The following SCFD2 variants were observed in gnomAD, a reference collection of about 807,000 sequenced individuals.
SCFD2 encodes sec1 family domain-containing protein 2.
Under a neutral mutation model 58.9 loss-of-function variants are expected in SCFD2, and 54 were observed. The ratio of observed to expected loss-of-function variants is 0.92; its 90% CI spans 0.74 to 1.15. The LOEUF (loss-of-function observed/expected upper bound fraction) is 1.15. Among genes scored for constraint, SCFD2 ranks in the 50% most tolerant of loss-of-function variants. SCFD2 has a pLI of 0.00. For synonymous variants in SCFD2, 321 were observed against 335.9 expected, an observed-to-expected ratio of 0.96 and a Z score of 0.49; for missense variants, 805 against 836.6, an observed-to-expected ratio of 0.96 and a Z score of 0.47.
At chr4:53,216,144 G>A (rs1728823307) in intron 4 of SCFD2, among the ~76,000 whole-genome samples, 1 of 152,192 alleles carries the variant, frequency 6.6e-6, no homozygotes, top group Non-Finnish European at 1.5e-5. Flanking sequence ...TTGGTGTCAG[G>A]ATGATGCTGG....
At chr4:53,308,960 C>T (rs1396105891) in intron 3 of SCFD2, among the ~76,000 whole-genome samples, 2 of 151,896 alleles carry the variant, frequency 1.3e-5, no homozygotes, top group African/African-American at 4.8e-5. Flanking sequence ...GAAACCCTGT[C>T]TCTACTAGAT....
At chr4:52,983,887 C>T (rs1290008310) in intron 5 of SCFD2, among the ~76,000 whole-genome samples, 1 of 152,154 alleles carries the variant, frequency 6.6e-6, no homozygotes, top group Non-Finnish European at 1.5e-5. Context: ...TTGCCTACAC[C>T]CTTCTTAAGA....
intron 5 of SCFD2, among the ~76,000 whole-genome samples, chr4:53,093,253 T>C (rs1313496192): frequency 6.6e-6 from 1 of 152,094 alleles, no homozygotes; most frequent in East Asian, 1.9e-4. Flanking sequence ...ATGATAGGTG[T>C]TCAGCAAATA....
chr4:53,082,601 A>G (rs943884786), intron 5 of SCFD2, among the ~76,000 whole-genome samples: 3 of 152,122 alleles, frequency 2.0e-5, no homozygotes, highest in Non-Finnish European at 2.9e-5. Flanking sequence ...TGTTTGCAGA[A>G]AAGATTCACA....
intron 4 of SCFD2, among the ~76,000 whole-genome samples, chr4:53,179,976 T>C (rs1355720271): frequency 6.6e-6 from 1 of 152,126 alleles, no homozygotes; most frequent in Non-Finnish European, 1.5e-5. Flanking sequence ...ATGCACCCAA[T>C]ACAGGAGCAT....
chr4:53,343,190 C>G (rs918013880), intron 2 of SCFD2, among the ~76,000 whole-genome samples: 2 of 151,986 alleles, frequency 1.3e-5, no homozygotes, highest in African/African-American at 4.8e-5. Flanking sequence ...CTGAAAAGAT[C>G]AACAAAATTG....
chr4:53,205,819 G>C (rs1410178195), intron 4 of SCFD2, among the ~76,000 whole-genome samples: 3 of 150,920 alleles, frequency 2.0e-5, no homozygotes, highest in Non-Finnish European at 4.4e-5. Context: ...CCGAGACTGA[G>C]CCACTGTACT....
intron 5 of SCFD2, among the ~76,000 whole-genome samples, chr4:52,955,680 C>T (rs986150559): frequency 2.0e-5 from 3 of 152,178 alleles, no homozygotes; most frequent in Non-Finnish European, 2.9e-5. Context: ...TTTGTGTTAA[C>T]ACAACCTGAT....
intron 5 of SCFD2, among the ~76,000 whole-genome samples, chr4:53,103,419 C>T (rs1488970904): frequency 6.6e-6 from 1 of 151,984 alleles, no homozygotes; most frequent in Non-Finnish European, 1.5e-5. Flanking sequence ...TCTATTCACA[C>T]AGAATGCTCC....
chr4:53,129,258 C>T (rs867126220), intron 5 of SCFD2, among the ~76,000 whole-genome samples: 108 of 143,486 alleles, frequency 7.5e-4, no homozygotes, highest in African/African-American at 2.4e-3. Flanking sequence ...CAAAACAAAA[C>T]GAACAGAAAA....
intron 5 of SCFD2, among the ~76,000 whole-genome samples, chr4:53,131,340 A>G (rs1374902296): frequency 2.0e-5 from 3 of 152,218 alleles, no homozygotes; most frequent in Non-Finnish European, 4.4e-5. Context: ...CCATGGGCCA[A>G]TGGGTATCTG....
At chr4:53,315,633 A>G (rs1259484680) in intron 2 of SCFD2, among the ~76,000 whole-genome samples, 3 of 152,188 alleles carry the variant, frequency 2.0e-5, no homozygotes, top group Non-Finnish European at 4.4e-5. Flanking sequence ...AAAGCTCTGC[A>G]GGCAATTGAA....
intron 4 of SCFD2, among the ~76,000 whole-genome samples, chr4:53,233,210 GT>G (rs1729493046): frequency 6.6e-6 from 1 of 151,990 alleles, no homozygotes; most frequent in African/African-American, 2.4e-5. Flanking sequence ...GAACCTAGGT[GT>G]TTAACAAAGA....
intron 1 of SCFD2, among the ~76,000 whole-genome samples, chr4:53,357,872 C>T (rs1734445056): frequency 6.6e-6 from 1 of 152,198 alleles, no homozygotes; most frequent in South Asian, 2.1e-4. Context: ...ACTTTTCCCA[C>T]ACCCACATAT....
At chr4:53,111,153 A>G (rs1232921373) in intron 5 of SCFD2, among the ~76,000 whole-genome samples, 1 of 151,460 alleles carries the variant, frequency 6.6e-6, no homozygotes, top group East Asian at 2.0e-4. Context: ...ATATGGACAC[A>G]GGGAGGGGAA....
At chr4:53,336,546 T>G (rs571124427) in intron 2 of SCFD2, among the ~76,000 whole-genome samples, 1 of 152,058 alleles carries the variant, frequency 6.6e-6, no homozygotes, top group Non-Finnish European at 1.5e-5. Flanking sequence ...TTTATTTGAG[T>G]TGGAGTTTTG....
chr4:52,969,014 A>G (rs1013753021), intron 5 of SCFD2, among the ~76,000 whole-genome samples: 1 of 152,150 alleles, frequency 6.6e-6, no homozygotes, highest in African/African-American at 2.4e-5. Context: ...CATCCTTGAC[A>G]TCTGATTAGG....
At position 53,183,428 on chromosome 4, in the gene SCFD2, T is replaced by A. The variant is rs1182859927; in HGVS notation, c.1312-37846A>T. Among the ~76,000 whole-genome samples the A allele has an allele frequency of 2.0e-5, 3 of 151,960 alleles. No individual in the cohort carries two copies. In the East Asian group the frequency reaches 5.8e-4, roughly 29 times the overall value. ...CAAAAAAACCAAACACCGCATGTTC[T>A]CACTCATAGGTGGGAACTGAACAAT... On this transcript the variant is annotated intron_variant, in intron 4 of 8. Transcript: ENST00000401642.
intron 8 of SCFD2, among the ~76,000 whole-genome samples, chr4:52,882,937 A>G (rs1718654129): frequency 6.6e-6 from 1 of 152,248 alleles, no homozygotes. Context: ...AAGGCTGGAT[A>G]GTAAAGCCAG....
Sources: gnomAD v4.1 joint callset for allele counts (sites outside exome capture counted in the v4.1 genomes callset) on GRCh38, gnomAD v4.1.1 for gene constraint, MANE v1.5 for transcripts, NCBI Gene and HGNC (gene_info 2026-07-23, HGNC 2026-07-21) for gene names.